Variants in PALM2AKAP2 observed in about 807,000 individuals in gnomAD.
PALM2AKAP2 encodes the protein PALM2-AKAP2 fusion protein.
Under a neutral mutation model 71.5 loss-of-function variants are expected in PALM2AKAP2, and 37 were observed. The observed-to-expected ratio is 0.52, with a 90% CI of 0.40 to 0.68. PALM2AKAP2 has a LOEUF of 0.68. PALM2AKAP2 is among the 30% of genes least tolerant of loss of function. The pLI is 0.00. For missense variants in PALM2AKAP2, 1,224 were observed against 1,191.8 expected (o/e 1.03, Z -0.40); for synonymous variants, 468 against 478.8 (o/e 0.98, Z 0.29).
intron 6 of PALM2AKAP2, among the ~76,000 whole-genome samples, chr9:109,938,268 A>G (rs943197479): frequency 6.6e-6 from 1 of 152,216 alleles, no homozygotes; most frequent in African/African-American, 2.4e-5. Flanking sequence ...TGGCTTTCTA[A>G]AAGGCCTAGA....
chr9:110,039,461 GGCGAGGCTGA>G (rs1833475093), intron 7 of PALM2AKAP2, among the ~76,000 whole-genome samples: 2 of 152,150 alleles, frequency 1.3e-5, no homozygotes, highest in Admixed American at 6.5e-5. Context: ...AGGGAGGGAT[GGCGAGGCTGA>G]GCGATTTTCC....
At chr9:110,100,404 G>A (rs915351549) in intron 1 of PALM2AKAP2, among the ~76,000 whole-genome samples, 1 of 152,054 alleles carries the variant, frequency 6.6e-6, no homozygotes, top group Non-Finnish European at 1.5e-5. Flanking sequence ...AGCAACAGAG[G>A]TGGCTTATCA....
At chr9:110,070,601 ATC>A (rs1834181849) in intron 1 of PALM2AKAP2, among the ~76,000 whole-genome samples, 1 of 152,066 alleles carries the variant, frequency 6.6e-6, no homozygotes, top group Admixed American at 6.5e-5. Flanking sequence ...TTGGCAGAAA[ATC>A]TGTTTTAAAA....
At chr9:110,113,051 C>T (rs1835284982) in intron 1 of PALM2AKAP2, among the ~76,000 whole-genome samples, 1 of 152,168 alleles carries the variant, frequency 6.6e-6, no homozygotes, top group African/African-American at 2.4e-5. Context: ...CTGTGACAGG[C>T]TTTGTAACCT....
chr9:109,652,387 C>G (rs1323050764), intron 1 of PALM2AKAP2, among the ~76,000 whole-genome samples: 2 of 152,138 alleles, frequency 1.3e-5, no homozygotes, highest in Non-Finnish European at 1.5e-5. Flanking sequence ...CTCCTCCCCT[C>G]TCTCTTGCCA....
At chr9:109,910,287 A>G (rs1830539439) in intron 3 of PALM2AKAP2, among the ~76,000 whole-genome samples, 1 of 152,168 alleles carries the variant, frequency 6.6e-6, no homozygotes, top group South Asian at 2.1e-4. Context: ...ATGGAGAAAG[A>G]TGAGTTTGGT....
At chr9:109,822,561 G>A (rs1349056334) in intron 1 of PALM2AKAP2, among the ~76,000 whole-genome samples, 1 of 152,102 alleles carries the variant, frequency 6.6e-6, no homozygotes, top group Non-Finnish European at 1.5e-5. Context: ...GGTGTCTGTT[G>A]TTCCCTTCTT....
At chr9:110,035,960 G>T (rs1306178764) in intron 7 of PALM2AKAP2, among the ~76,000 whole-genome samples, 1 of 150,814 alleles carries the variant, frequency 6.6e-6, no homozygotes, top group African/African-American at 2.4e-5. Context: ...TGTTATTGTT[G>T]AGATGGAGTC....
At chr9:109,941,907 G>T (rs79122562) in intron 6 of PALM2AKAP2, among the ~76,000 whole-genome samples, 1,527 of 152,274 alleles carry the variant, frequency 0.01, 31 homozygotes, top group African/African-American at 0.035. Flanking sequence ...GGAACAAAAA[G>T]AAGACAACAG....
chr9:109,730,604 G>A (rs1208033986), intron 1 of PALM2AKAP2, among the ~76,000 whole-genome samples: 1 of 152,192 alleles, frequency 6.6e-6, no homozygotes, highest in East Asian at 1.9e-4. Flanking sequence ...GTGTACTTCT[G>A]ACAGTTTGGA....
intron 1 of PALM2AKAP2, among the ~76,000 whole-genome samples, chr9:109,647,893 G>A (rs1294851882): frequency 1.3e-5 from 2 of 152,188 alleles, no homozygotes; most frequent in Non-Finnish European, 2.9e-5. Context: ...GAGGAAATGA[G>A]CACATGTCAC....
At chr9:109,827,539 G>A (rs886520644) in intron 1 of PALM2AKAP2, among the ~76,000 whole-genome samples, 5 of 152,134 alleles carry the variant, frequency 3.3e-5, no homozygotes, top group Admixed American at 1.3e-4. Flanking sequence ...AACCTGGGAG[G>A]CAGAGGTTGC....
intron 6 of PALM2AKAP2, among the ~76,000 whole-genome samples, chr9:109,961,738 C>T (rs369899776): frequency 4.4e-4 from 67 of 152,304 alleles, no homozygotes; most frequent in African/African-American, 1.5e-3. Flanking sequence ...GCTGAGGGCA[C>T]GGCAAGACTC....
At chr9:109,931,492 A>G (rs570026032) in intron 5 of PALM2AKAP2, among the ~76,000 whole-genome samples, 13 of 152,222 alleles carry the variant, frequency 8.5e-5, no homozygotes, top group Non-Finnish European at 1.3e-4. Flanking sequence ...CCCCATAATA[A>G]TCAGACACAG....
chr9:110,156,574 A>C, intron 3 of PALM2AKAP2, 77 bp downstream of exon 9: 1 of 1,470,084 alleles, frequency 6.8e-7, no homozygotes, highest in Non-Finnish European at 9.1e-7. Flanking sequence ...CAGTTCAGGC[A>C]CAAATGTGTA....
intron 1 of PALM2AKAP2, among the ~76,000 whole-genome samples, chr9:110,126,131 G>A (rs1835600428): frequency 6.6e-6 from 1 of 152,138 alleles, no homozygotes; most frequent in Admixed American, 6.5e-5. Flanking sequence ...GTCTCTTGGA[G>A]GTCCCATGGG....
rs77710662 is a variant in PALM2AKAP2 at position 109,832,029 on chromosome 9, A to G, written c.46-35462A>G. 2.5e-3 allele frequency among the ~76,000 whole-genome samples: 382 copies of G among 152,306 alleles called. 2 individuals are homozygous for G. Among genetic ancestry groups the G allele is most frequent in the Admixed American group, 5.7e-3 (87 of 15,300 alleles). Reference sequence around the variant, plus strand: ...GAGGGGGATACTGACAGATTCTTCTATTTTATCCCAATTCCAGTTCCTGAC... The same window carrying G: ...GAGGGGGATACTGACAGATTCTTCTGTTTTATCCCAATTCCAGTTCCTGAC... On this transcript the variant is annotated intron_variant, in intron 1 of 9. Transcript: ENST00000302798.
chr9:110,136,120 A>T lies in PALM2AKAP2; in HGVS notation c.157-7A>T. 6.4e-7 allele frequency: 1 copy of T among 1,555,842 alleles called. No homozygotes were observed. The highest frequency in any genetic ancestry group is 8.7e-7 in the Non-Finnish European group (1 of 1,155,532). ...TAACCCTGACTTTTGTTTACTCTTT[A>T]TTCCAGAAGCCTCCCCAGCTTTCTG... On this transcript the variant is annotated splice_polypyrimidine_tract_variant and splice_region_variant and intron_variant, in intron 1 of 3. Coordinates refer to ENST00000374525, the Ensembl canonical transcript of PALM2AKAP2.
intron 5 of PALM2AKAP2, 68 bp downstream of exon 5, chr9:109,925,150 C>T: frequency 6.2e-7 from 1 of 1,604,118 alleles, no homozygotes; most frequent in Non-Finnish European, 8.5e-7. Flanking sequence ...GTTTCATTAA[C>T]AGGGGCTTAA....
Sources: gnomAD v4.1 joint callset for allele counts (sites outside exome capture counted in the v4.1 genomes callset) on GRCh38, gnomAD v4.1.1 for gene constraint, MANE v1.5 for transcripts, NCBI Gene and HGNC (gene_info 2026-07-23, HGNC 2026-07-21) for gene names.